The following ABCC12 variants were observed in gnomAD, a reference collection of about 807,000 sequenced individuals.
ABCC12 encodes the protein ATP binding cassette subfamily C member 12, also known as ATP-binding cassette sub-family C member 12.
ABCC12 carries 142 observed loss-of-function variants against 151.1 expected under a neutral mutation model. The observed-to-expected ratio is 0.94, with a 90% confidence interval of 0.82 to 1.08. ABCC12 has a LOEUF of 1.08. Among genes scored for constraint, ABCC12 ranks in the 50% least tolerant of loss-of-function variants. The probability of loss-of-function intolerance (pLI) is 0.00; values close to 1 mark genes in which losing one functional copy is unlikely to be tolerated. For synonymous variants in ABCC12, 645 were observed against 646.4 expected (o/e 1.00, Z 0.03); for missense variants, 1,638 against 1,691.1 (o/e 0.97, Z 0.55).
intron 23 of ABCC12, among the ~76,000 whole-genome samples, chr16:48,097,775 G>A (rs914825900): frequency 2.6e-5 from 4 of 152,120 alleles, no homozygotes; most frequent in Admixed American, 2.6e-4. Flanking sequence ...GCAGTGTGAG[G>A]GCTGCCAGGC....
intron 30 of ABCC12, 32 bp from the exon 31 acceptor site, chr16:48,083,833 C>T (rs1012941207): frequency 9.9e-6 from 16 of 1,613,874 alleles, no homozygotes; most frequent in African/African-American, 4.0e-5. Flanking sequence ...CTGAAATCAT[C>T]GGAAAATATC....
At chr16:48,105,028 T>C in intron 21 of ABCC12, 111 bp downstream of exon 21, 1 of 1,241,126 alleles carries the variant, frequency 8.1e-7, no homozygotes, top group Non-Finnish European at 1.2e-6. Flanking sequence ...GCAAGCTCTA[T>C]GAGGGCTCTG....
In ABCC12 at chr16:48,141,189, AG is replaced by A. The variant is rs1348750231; in HGVS notation, c.423+16del. ...CTGGGGACCTAGCAGATGAGGAGGA[AG>A]GGCTGCCGCACTCACCGGCCCTATG... On this transcript the variant is annotated intron_variant, in intron 5 of 30. Coordinates refer to ENST00000311303, the MANE Select transcript of ABCC12 (RefSeq NM_001393797.1). The A allele has an allele frequency of 2.5e-6, 4 of 1,610,946 alleles. No homozygotes were observed. The East Asian group carries it at 8.9e-5, about 36-fold the overall frequency.
chr16:48,103,493 T>C (rs1360115649), intron 22 of ABCC12, among the ~76,000 whole-genome samples: 1 of 152,250 alleles, frequency 6.6e-6, no homozygotes, highest in East Asian at 1.9e-4. Flanking sequence ...TTTCAATGAT[T>C]ACCATTAAGG....
chr16:48,126,866 C>G (rs1166061452), intron 11 of ABCC12, among the ~76,000 whole-genome samples: 3 of 152,210 alleles, frequency 2.0e-5, no homozygotes, highest in Non-Finnish European at 4.4e-5. Context: ...ATTCCAGAGT[C>G]ACCGACATAT....
chr16:48,147,234 C>A (rs1596632932), intron 2 of ABCC12, among the ~76,000 whole-genome samples: 1 of 152,316 alleles, frequency 6.6e-6, no homozygotes, highest in African/African-American at 2.4e-5. Flanking sequence ...CCTCCAGCCA[C>A]CTAAATCCAA....
chr16:48,105,054 C>T (rs1038503493), intron 21 of ABCC12, 85 bp downstream of exon 21: 20 of 1,512,162 alleles, frequency 1.3e-5, no homozygotes, highest in Admixed American at 1.7e-5. Flanking sequence ...CCCCAGAGCC[C>T]AGCACCATGC....
At chr16:48,093,078 G>A (rs964151268) in intron 24 of ABCC12, among the ~76,000 whole-genome samples, 1 of 152,124 alleles carries the variant, frequency 6.6e-6, no homozygotes, top group Non-Finnish European at 1.5e-5. Context: ...GACAGATTGG[G>A]TTGTCACAAC....
chr16:48,133,058 T>G (rs1964483056), intron 9 of ABCC12, among the ~76,000 whole-genome samples: 1 of 152,174 alleles, frequency 6.6e-6, no homozygotes, highest in African/African-American at 2.4e-5. Context: ...ACTCTCCTTC[T>G]TGTAGTGTAA....
At chr16:48,109,645 G>A (rs966914610) in intron 18 of ABCC12, among the ~76,000 whole-genome samples, 4 of 152,252 alleles carry the variant, frequency 2.6e-5, no homozygotes, top group African/African-American at 9.6e-5. Context: ...CTGGGAACCT[G>A]GAGCTCCTTT....
intron 2 of ABCC12, among the ~76,000 whole-genome samples, chr16:48,148,066 G>C (rs1208783162): frequency 1.3e-5 from 2 of 152,078 alleles, no homozygotes; most frequent in Non-Finnish European, 2.9e-5. Context: ...TCCAGCCTCA[G>C]CCTACTGAGT....
chr16:48,088,460 A>G (rs1478085093), intron 26 of ABCC12, 85 bp downstream of exon 26: 1 of 1,445,684 alleles, frequency 6.9e-7, no homozygotes, highest in Non-Finnish European at 9.4e-7. Flanking sequence ...CATACACATC[A>G]CTCTCTGGTG....
At chr16:48,123,212 G>A (rs1567453034) in intron 12 of ABCC12, among the ~76,000 whole-genome samples, 2 of 152,170 alleles carry the variant, frequency 1.3e-5, no homozygotes. Context: ...GGAGCTATCC[G>A]AGCAGTTGGG....
chr16:48,113,763 T>C (rs1032818578), intron 15 of ABCC12, among the ~76,000 whole-genome samples: 1 of 152,174 alleles, frequency 6.6e-6, no homozygotes, highest in Non-Finnish European at 1.5e-5. Context: ...GGACCTGGTG[T>C]GAAGATGGCT....
Position 48,146,379 on chromosome 16 carries a change from C to A in ABCC12, c.46G>T (p.Gly16Cys). 4 of 1,614,224 alleles carry A rather than the reference C, an allele frequency of 2.5e-6. No individual in the cohort carries two copies. Among genetic ancestry groups the A allele is most frequent in the Non-Finnish European group, 3.4e-6 (4 of 1,180,038 alleles). Reference protein sequence around the residue: ...PYLISDLDQRGRRRSFAERYD... With the variant: ...PYLISDLDQRCRRRSFAERYD... ...CTTTCTGCAAAGGATCTCCGCCGGC[C>A]TCGCTGGTCCAGATCTGAGATAAGG... The change falls in exon 3 of 31, where the codon GGC becomes TGC. Residue 16 changes from glycine to cysteine, a missense_variant. Gly to Cys is a radical substitution (Grantham distance 159, BLOSUM62 -3). Coordinates refer to ENST00000311303, the MANE Select transcript of ABCC12 (RefSeq NM_001393797.1).
intron 25 of ABCC12, among the ~76,000 whole-genome samples, chr16:48,090,320 T>C (rs986874084): frequency 1.3e-5 from 2 of 151,950 alleles, no homozygotes; most frequent in East Asian, 3.9e-4. Context: ...CTCAAACTCC[T>C]GGGCTCAAGT....
intron 24 of ABCC12, among the ~76,000 whole-genome samples, chr16:48,093,381 A>C (rs757724145): frequency 2.0e-5 from 3 of 151,824 alleles, no homozygotes; most frequent in Non-Finnish European, 4.4e-5. Flanking sequence ...TCCCTGAGGC[A>C]CTCTTTCTTC....
chr16:48,106,784 G>T (rs1291515265), intron 20 of ABCC12, among the ~76,000 whole-genome samples: 1 of 152,214 alleles, frequency 6.6e-6, no homozygotes, highest in Non-Finnish European at 1.5e-5. Context: ...GCTCAAGAGA[G>T]AGTCAACACA....
chr16:48,085,531 G>A (rs1369474707), intron 29 of ABCC12, 62 bp downstream of exon 29: 8 of 1,439,526 alleles, frequency 5.6e-6, no homozygotes, highest in African/African-American at 1.4e-5. Context: ...CTGCCTCCTG[G>A]ATTGAGTGGC....
Sources: allele counts gnomAD v4.1 joint callset (sites outside exome capture counted in the v4.1 genomes callset), GRCh38; gene constraint gnomAD v4.1.1; transcripts MANE v1.5; gene names NCBI Gene and HGNC (gene_info 2026-07-23, HGNC 2026-07-21).